The following NLGN1 variants were observed in gnomAD, a reference collection of about 807,000 sequenced individuals.
NLGN1 encodes neuroligin 1.
A neutral mutation model predicts 65.5 loss-of-function variants in NLGN1; 12 were observed. That is an observed-to-expected ratio of 0.18 (90% confidence interval 0.12 to 0.30). The LOEUF (loss-of-function observed/expected upper bound fraction) is 0.30, where lower values mean the gene tolerates loss of function less well. Ranked by LOEUF, NLGN1 falls within the 10% of genes least tolerant of loss-of-function variation. The pLI, the probability that NLGN1 is intolerant of heterozygous loss-of-function variation, is 1.00. For synonymous variants in NLGN1, 350 were observed against 359.5 expected, an observed-to-expected ratio of 0.97 and a Z score of 0.30; for missense variants, 750 against 1,007.1, an observed-to-expected ratio of 0.74 and a Z score of 3.46.
intron 4 of NLGN1, among the ~76,000 whole-genome samples, chr3:173,858,571 A>G (rs1484041218): frequency 6.6e-6 from 1 of 152,092 alleles, no homozygotes; most frequent in Admixed American, 6.6e-5. Flanking sequence ...GTTGATTAAA[A>G]TGGGTCATGA....
intron 3 of NLGN1, among the ~76,000 whole-genome samples, chr3:173,792,210 T>C (rs1465433478): frequency 6.6e-6 from 1 of 152,140 alleles, no homozygotes; most frequent in African/African-American, 2.4e-5. Flanking sequence ...TTCAGGGGGA[T>C]AGACACTGTC....
At position 174,276,374 on chromosome 3, in the gene NLGN1, A is replaced by ATTG. The variant is rs61277185; in HGVS notation, c.859+851_859+853dup. The stretch of plus-strand genomic sequence containing the variant: ...TGAAATTTCACAAGAACAGAAGAGT[A>ATTG]TTGTTGGAGAAATTTGCAAAGCAAA... On this transcript the variant is annotated intron_variant, in intron 5 of 6. Coordinates refer to ENST00000457714, the Ensembl canonical transcript of NLGN1. Among the ~76,000 whole-genome samples the ATTG allele has an allele frequency of 5.4e-3, 822 of 152,020 alleles. 3 individuals are homozygous for ATTG. Among genetic ancestry groups the ATTG allele is most frequent in the African/African-American group, 0.019 (773 of 41,522 alleles).
intron 4 of NLGN1, among the ~76,000 whole-genome samples, chr3:174,127,963 G>A (rs752360201): frequency 1.3e-5 from 2 of 152,184 alleles, no homozygotes; most frequent in African/African-American, 2.4e-5. Context: ...GTACAGAAGC[G>A]GCTTCTGCTA....
Position 173,612,434 on chromosome 3 carries a change from C to T in NLGN1, c.493+7343C>T, listed in dbSNP as rs115023896. On this transcript the variant is annotated intron_variant, in intron 3 of 6. Transcript: ENST00000457714. ...AATCAAGGAGTGGGAAGGATTGGCT[C>T]TTTCTGGAGGCTCTACAGGAGTACC... Among the ~76,000 whole-genome samples, 952 of 152,178 alleles carry T rather than the reference C, an allele frequency of 6.3e-3. 14 individuals carry two copies. The highest frequency in any genetic ancestry group is 0.022 in the African/African-American group (908 of 41,540).
intron 4 of NLGN1, among the ~76,000 whole-genome samples, chr3:173,931,403 G>T (rs749239225): frequency 1.3e-5 from 2 of 152,122 alleles, no homozygotes; most frequent in Admixed American, 1.3e-4. Context: ...AGGGGGCTTG[G>T]GTCCCTATTT....
intron 3 of NLGN1, among the ~76,000 whole-genome samples, chr3:173,724,886 A>T (rs867666617): frequency 1.3e-5 from 2 of 152,308 alleles, no homozygotes; most frequent in Admixed American, 6.5e-5. Flanking sequence ...CTTTGTAGGG[A>T]CATGGACGAA....
chr3:174,292,102 A>G, the NLGN1 span, among the ~76,000 whole-genome samples: 1 of 151,302 alleles, frequency 6.6e-6, no homozygotes, highest in Non-Finnish European at 1.5e-5. Context: ...TTAATGTGGA[A>G]GAAAGGATAT....
intron 3 of NLGN1, among the ~76,000 whole-genome samples, chr3:173,784,600 T>C (rs1226711102): frequency 1.3e-5 from 2 of 150,892 alleles, no homozygotes; most frequent in African/African-American, 2.4e-5. Flanking sequence ...GACAGAGAAA[T>C]AGAGTGAGAA....
intron 4 of NLGN1, among the ~76,000 whole-genome samples, chr3:174,062,351 A>G (rs1737598160): frequency 6.6e-6 from 1 of 152,078 alleles, no homozygotes; most frequent in Non-Finnish European, 1.5e-5. Context: ...TCTCTTTTCC[A>G]TAGGTGGCAC....
chr3:174,242,376 G>A (rs931088972), intron 4 of NLGN1, among the ~76,000 whole-genome samples: 1 of 113,004 alleles, frequency 8.8e-6, no homozygotes, highest in Non-Finnish European at 1.8e-5. Context: ...CTGGGCGACA[G>A]AGTGAGACTG....
intron 4 of NLGN1, among the ~76,000 whole-genome samples, chr3:173,825,157 C>G (rs1025897908): frequency 1.3e-5 from 2 of 151,962 alleles, no homozygotes; most frequent in African/African-American, 4.8e-5. Flanking sequence ...TTTTCATTCA[C>G]TTTATAAGAA....
At chr3:174,291,947 T>C in the NLGN1 span, among the ~76,000 whole-genome samples, 1 of 151,282 alleles carries the variant, frequency 6.6e-6, no homozygotes, top group Non-Finnish European at 1.5e-5. Flanking sequence ...GTAAAAATTG[T>C]CATTACTTTC....
intron 2 of NLGN1, among the ~76,000 whole-genome samples, chr3:173,552,067 T>C (rs927718832): frequency 1.4e-4 from 21 of 152,248 alleles, no homozygotes; most frequent in African/African-American, 4.8e-5. Context: ...GAAAATTACT[T>C]CCTCCATATT....
intron 3 of NLGN1, among the ~76,000 whole-genome samples, chr3:173,723,328 T>TGAAATGATG (rs1771177215): frequency 1.3e-5 from 2 of 152,198 alleles, no homozygotes; most frequent in Non-Finnish European, 2.9e-5. Context: ...GAACAAAAAC[T>TGAAATGATG]GCCCTGAAAA....
At chr3:173,704,851 G>T (rs1421366338) in intron 3 of NLGN1, among the ~76,000 whole-genome samples, 1 of 152,094 alleles carries the variant, frequency 6.6e-6, no homozygotes, top group South Asian at 2.1e-4. Flanking sequence ...TTTGTCTACT[G>T]TTCTGTTTGA....
intron 4 of NLGN1, among the ~76,000 whole-genome samples, chr3:174,266,222 A>C (rs1748205024): frequency 2.0e-5 from 3 of 151,968 alleles, no homozygotes; most frequent in African/African-American, 7.3e-5. Context: ...CTCCACCCTG[A>C]AGTAGGCCCT....
chr3:173,856,932 A>G (rs987832873), intron 4 of NLGN1, among the ~76,000 whole-genome samples: 7 of 151,932 alleles, frequency 4.6e-5, no homozygotes, highest in African/African-American at 1.7e-4. Context: ...ATTCTTCCAT[A>G]CAGAACCCAA....
At chr3:173,811,566 C>CAAAAAAA (rs768913259) in intron 4 of NLGN1, among the ~76,000 whole-genome samples, 1 of 46,440 alleles carries the variant, frequency 2.2e-5, no homozygotes. Context: ...AACTCCGTCT[C>CAAAAAAA]AAAAAAAAAA....
chr3:173,716,305 T>C (rs896524926), intron 3 of NLGN1, among the ~76,000 whole-genome samples: 2 of 152,130 alleles, frequency 1.3e-5, no homozygotes, highest in Non-Finnish European at 2.9e-5. Flanking sequence ...CTTAGACAAA[T>C]GAGTGCTTGT....
Sources: allele counts gnomAD v4.1 joint callset (sites outside exome capture counted in the v4.1 genomes callset), GRCh38; gene constraint gnomAD v4.1.1; transcripts MANE v1.5; gene names NCBI Gene and HGNC (gene_info 2026-07-23, HGNC 2026-07-21).